The following CUX1 variants were observed in gnomAD, a reference collection of about 807,000 sequenced individuals.
CUX1 encodes the protein cut like homeobox 1.
Under a neutral mutation model 158.8 loss-of-function variants are expected in CUX1, and 31 were observed. The ratio of observed to expected loss-of-function variants is 0.20; its 90% CI spans 0.15 to 0.26. The LOEUF is 0.26. Among genes scored for constraint, CUX1 ranks in the 10% least tolerant of loss-of-function variants. The pLI is 1.00. For missense variants in CUX1, 1,589 were observed against 2,014.6 expected (o/e 0.79, Z 4.04); for synonymous variants, 879 against 862.1 (o/e 1.02, Z -0.34).
intron 20 of CUX1, among the ~76,000 whole-genome samples, chr7:102,223,514 A>C (rs1000305883): frequency 1.3e-5 from 2 of 152,094 alleles, no homozygotes; most frequent in Non-Finnish European, 2.9e-5. Flanking sequence ...GGCTTCCTGT[A>C]GGATTCACTG....
chr7:102,114,063 C>A (rs114947216), intron 7 of CUX1, among the ~76,000 whole-genome samples: 79 of 152,218 alleles, frequency 5.2e-4, no homozygotes, highest in African/African-American at 1.8e-3. Context: ...TTCCAGGTAT[C>A]CTGATGAGAG....
At chr7:101,890,587 C>A (rs957036829) in intron 1 of CUX1, among the ~76,000 whole-genome samples, 1 of 152,004 alleles carries the variant, frequency 6.6e-6, no homozygotes, top group Non-Finnish European at 1.5e-5. Context: ...TTTTAAGCTG[C>A]TGGTTTTGCG....
intron 1 of CUX1, among the ~76,000 whole-genome samples, chr7:101,864,038 G>A (rs989473516): frequency 3.3e-5 from 5 of 152,120 alleles, no homozygotes; most frequent in South Asian, 4.1e-4. Context: ...CCCAGTTTTC[G>A]TTTCTTTTGA....
intron 4 of CUX1, among the ~76,000 whole-genome samples, chr7:102,089,236 C>T (rs1554481508): frequency 6.6e-6 from 1 of 151,920 alleles, no homozygotes; most frequent in East Asian, 1.9e-4. Context: ...TCTTTAAATC[C>T]TTGGACATGC....
chr7:102,073,151 A>T (rs1585537486), intron 4 of CUX1, among the ~76,000 whole-genome samples: 2 of 77,832 alleles, frequency 2.6e-5, no homozygotes, highest in South Asian at 4.3e-4. Context: ...AATAATATGT[A>T]ATCTCTTTTC....
At chr7:101,900,482 A>G (rs1802033662) in intron 1 of CUX1, among the ~76,000 whole-genome samples, 1 of 152,246 alleles carries the variant, frequency 6.6e-6, no homozygotes, top group Non-Finnish European at 1.5e-5. Flanking sequence ...TTGAAAATTA[A>G]CTGCAAAAAT....
chr7:102,159,036 G>A (rs1429115276), intron 9 of CUX1, among the ~76,000 whole-genome samples: 3 of 143,110 alleles, frequency 2.1e-5, no homozygotes, highest in Admixed American at 1.4e-4. Context: ...ATCTCACCAC[G>A]GTGTTATCCT....
In CUX1 at chr7:102,038,334, A is replaced by G. The variant is rs890346043; in HGVS notation, c.189+10189A>G. Among the ~76,000 whole-genome samples, 7 of 152,302 alleles carry G rather than the reference A, an allele frequency of 4.6e-5. No individual in the cohort carries two copies. In the South Asian group the frequency reaches 6.2e-4, roughly 14 times the overall value. Reference sequence around the variant, plus strand: ...GTAGTTGTCACACCTGTAATTAACAATGTTCACAAGATATTCAAAATGCTC... The same window carrying G: ...GTAGTTGTCACACCTGTAATTAACAGTGTTCACAAGATATTCAAAATGCTC... On this transcript the variant is annotated intron_variant, in intron 3 of 23. Coordinates refer to ENST00000292535, the MANE Select transcript of CUX1 (RefSeq NM_181552.4).
intron 1 of CUX1, among the ~76,000 whole-genome samples, chr7:101,878,828 A>AT (rs1286006979): frequency 6.6e-6 from 1 of 151,880 alleles, no homozygotes; most frequent in Admixed American, 6.6e-5. Context: ...GCGCACCACC[A>AT]TGCCGGGCCA....
rs1041270947 is a variant in CUX1, at chr7:101,916,049, A to G, written c.31-66A>G. 9.5e-6 allele frequency: 11 copies of G among 1,155,806 alleles called. No individual in the cohort carries two copies. The highest frequency in any genetic ancestry group is 9.1e-5 in the African/African-American group (6 of 66,076). 71.6% of individuals were successfully genotyped at this position (1,155,806 alleles called of 1,614,324 possible). On this transcript the variant is annotated intron_variant, in intron 1 of 23. Coordinates refer to ENST00000292535, the MANE Select transcript of CUX1 (RefSeq NM_181552.4). The surrounding 1 kb of genome is among the most constrained non-coding windows in gnomAD (Gnocchi z 4.4). ...CCCCCAGTGTTCTGGTCAAATGCAA[A>G]TAGGACCCTCCTCTAGTACACAGTG...
chr7:101,879,763 C>T, intron 1 of CUX1, among the ~76,000 whole-genome samples: 1 of 152,264 alleles, frequency 6.6e-6, no homozygotes, highest in East Asian at 1.9e-4. Context: ...GGTGGAGCTC[C>T]AGCATTGATT....
At chr7:102,018,252 T>C (rs566286531) in intron 2 of CUX1, among the ~76,000 whole-genome samples, 1 of 152,346 alleles carries the variant, frequency 6.6e-6, no homozygotes, top group East Asian at 1.9e-4. Flanking sequence ...TGAGCCACTG[T>C]GCCCAGTCAG....
intron 9 of CUX1, among the ~76,000 whole-genome samples, chr7:102,162,204 G>A (rs1371512334): frequency 6.6e-6 from 1 of 152,174 alleles, no homozygotes; most frequent in Non-Finnish European, 1.5e-5. Context: ...GAAAGGCCAG[G>A]GGACGGAGCC....
At chr7:102,183,162 GA>G (rs1793284866) in intron 11 of CUX1, among the ~76,000 whole-genome samples, 1 of 152,068 alleles carries the variant, frequency 6.6e-6, no homozygotes, top group African/African-American at 2.4e-5. Context: ...CGGAGCCCAG[GA>G]GTTCAAGACC....
chr7:102,157,764 A>G (rs1338968250), intron 8 of CUX1, among the ~76,000 whole-genome samples: 2 of 152,148 alleles, frequency 1.3e-5, no homozygotes, highest in Non-Finnish European at 2.9e-5. Flanking sequence ...TGGGCGACAG[A>G]GCTCTGTCTC....
chr7:101,830,463 T>C (rs78095475), intron 1 of CUX1, among the ~76,000 whole-genome samples: 417 of 152,288 alleles, frequency 2.7e-3, no homozygotes, highest in African/African-American at 9.6e-3. Context: ...CAGATGCTTT[T>C]GTTGTTGTTG....
chr7:101,816,116 C>T (rs1315443158), upstream of CUX1: 1 of 1,321,702 alleles, frequency 7.6e-7, no homozygotes, highest in African/African-American at 1.6e-5. Flanking sequence ...CGCGCTCGGC[C>T]TCGCGCCCGG....
intron 1 of CUX1, among the ~76,000 whole-genome samples, chr7:101,878,880 C>T (rs1799431818): frequency 6.6e-6 from 1 of 152,102 alleles, no homozygotes; most frequent in South Asian, 2.1e-4. Flanking sequence ...CCATGTTGGC[C>T]AGGCTGGTCT....
chr7:102,206,044 C>T (rs999286283), intron 20 of CUX1, among the ~76,000 whole-genome samples: 2 of 152,164 alleles, frequency 1.3e-5, no homozygotes, highest in African/African-American at 2.4e-5. Context: ...TCATTGAAAA[C>T]ACAAACAAAG....
Sources: allele counts gnomAD v4.1 joint callset (sites outside exome capture counted in the v4.1 genomes callset), GRCh38; gene constraint gnomAD v4.1.1; non-coding constraint Gnocchi (gnomAD v3.1); transcripts MANE v1.5; gene names NCBI Gene and HGNC (gene_info 2026-07-23, HGNC 2026-07-21).